The following POLR3C variants were observed in gnomAD, a reference collection of about 807,000 sequenced individuals.
POLR3C encodes the protein RNA polymerase III subunit C.
In POLR3C, 44 loss-of-function variants were observed where a neutral mutation model predicts 65.9. The ratio of observed to expected loss-of-function variants is 0.67; its 90% CI spans 0.52 to 0.86. The LOEUF (loss-of-function observed/expected upper bound fraction) is 0.86. POLR3C is among the 40% of genes least tolerant of loss of function. The probability of loss-of-function intolerance (pLI) is 0.00; values close to 1 mark genes in which losing one functional copy is unlikely to be tolerated. For synonymous variants in POLR3C, 263 were observed against 231.6 expected (o/e 1.14, Z -1.23); for missense variants, 576 against 653.2 (o/e 0.88, Z 1.29).
rs782028623 is a variant in POLR3C at position 145,826,849 on chromosome 1, T to C, written c.433T>C (p.Ser145Pro). 7 of 1,611,620 alleles carry C rather than the reference T, an allele frequency of 4.3e-6. No homozygotes were observed. Among genetic ancestry groups the C allele is most frequent in the Non-Finnish European group, 5.9e-6 (7 of 1,178,850 alleles). Residue 145 changes from serine (S) to proline (P), a missense_variant, in exon 4 of 15, where the codon TCA becomes CCA. Transcript: ENST00000334163. ...DGKTMDYAEV[S>P]NTFVRLADTH... ...CAAGACCATGGACTATGCTGAAGTA[T>C]CAAACACATTTGTGCGACTGGCAGA... is the stretch of plus-strand genomic sequence containing the variant.
intron 7 of POLR3C, among the ~76,000 whole-genome samples, chr1:145,835,931 T>G (rs1416083374): frequency 6.6e-6 from 1 of 152,144 alleles, no homozygotes; most frequent in African/African-American, 2.4e-5. Context: ...TAAAACTTCC[T>G]TTCATGTTAG....
In POLR3C at chr1:145,826,717, T is replaced by C; in HGVS notation, c.403+8T>C. 6.2e-7 allele frequency: 1 copy of C among 1,614,066 alleles called. No homozygotes were observed. Among genetic ancestry groups the C allele is most frequent in the Non-Finnish European group, 8.5e-7 (1 of 1,179,960 alleles). ...TCACAGAGACCATGGAGGGTCAGTA[T>C]GGTATCCATAGCTGTTAACAAAAGC... On this transcript the variant is annotated splice_region_variant and intron_variant, in intron 3 of 14. Transcript: ENST00000334163.
At position 145,827,009 on chromosome 1, in the gene POLR3C, A is replaced by G. The variant is rs782651441; in HGVS notation, c.589+4A>G. On this transcript the variant is annotated splice_donor_region_variant and intron_variant, in intron 4 of 14. Coordinates refer to ENST00000334163, the MANE Select transcript of POLR3C (RefSeq NM_006468.8). Reference sequence around the variant, plus strand: ...GTTCCTAAACTCAGCTTGATAGGTAAGGAATTTTAACCCCTGGAACTGTGA... The same window carrying G: ...GTTCCTAAACTCAGCTTGATAGGTAGGGAATTTTAACCCCTGGAACTGTGA... 2.1e-5 allele frequency: 34 copies of G among 1,602,492 alleles called. No homozygotes were observed. Among genetic ancestry groups the G allele is most frequent in the Non-Finnish European group, 2.6e-5 (31 of 1,174,184 alleles).
Position 145,842,404 on chromosome 1 carries a change from C to T in POLR3C, c.1589C>T (p.Thr530Ile). 1 of 1,606,188 alleles carries T rather than the reference C, an allele frequency of 6.2e-7. No individual in the cohort carries two copies. ...IFLLESYIEC[T>I]MKRQ ...CTGCTGGAGTCTTACATTGAGTGCA[C>T]CATGAAGAGACAGTGATCCAGAAGA... Residue 530 changes from threonine to isoleucine, a missense_variant, in exon 15 of 15, where the codon ACC (threonine) becomes ATC (isoleucine). Transcript: ENST00000334163.
Position 145,824,248 on chromosome 1 carries a change from C to T in POLR3C, c.-142C>T, listed in dbSNP as rs1436381685. The T allele has an allele frequency of 7.5e-6, 2 of 265,088 alleles. No individual in the cohort carries two copies. Among genetic ancestry groups the T allele is most frequent in the East Asian group, 2.5e-4 (2 of 7,892 alleles). The allele number at this position is 265,088 out of a possible 1,614,324, so 16.4% of individuals were successfully genotyped here. On this transcript the variant is annotated 5_prime_UTR_variant, in exon 1 of 15. Transcript: ENST00000334163. The stretch of plus-strand genomic sequence containing the variant: ...TTCCGCGTCTTCTTCGGTGGCGATC[C>T]GCGTCCTAGAAAGGGCGGTGGGCTC...
Position 145,826,531 on chromosome 1 carries a change from T to TG in POLR3C, c.226dup (p.Glu76GlyfsTer12). 1 of 1,613,916 alleles carries TG rather than the reference T, an allele frequency of 6.2e-7. No homozygotes were observed. Among genetic ancestry groups the TG allele is most frequent in the Non-Finnish European group, 8.5e-7 (1 of 1,179,984 alleles). ...TGCACAAACGTGGTGTGGTGGAGTA[T>TG]GAAGCCCAGTGCAGCCGGGTATTGC... On this transcript the variant is annotated frameshift_variant, in exon 3 of 15. Transcript: ENST00000334163. LOFTEE classifies it high-confidence loss of function.
intron 14 of POLR3C, among the ~76,000 whole-genome samples, chr1:145,842,037 A>G (rs1570756331): frequency 6.6e-6 from 1 of 152,118 alleles, no homozygotes; most frequent in Non-Finnish European, 1.5e-5. Context: ...GTTTCTTGCT[A>G]TTTTAAAACA....
chr1:145,841,477 C>T (rs587686444), intron 14 of POLR3C, among the ~76,000 whole-genome samples: 34 of 152,346 alleles, frequency 2.2e-4, no homozygotes, highest in African/African-American at 6.5e-4. Context: ...TTGGTCCACA[C>T]GCAGGCCTTC....
chr1:145,832,295 A>G lies in POLR3C; in HGVS notation c.679-965A>G, dbSNP rs1651399547. Among the ~76,000 whole-genome samples the G allele has an allele frequency of 2.6e-5, 4 of 152,322 alleles. No individual in the cohort carries two copies. The South Asian group carries it at 6.2e-4, about 24-fold the overall frequency. ...GGTAGAGATACAACTGAGATGGCCAACTGTTTGAGAAGCTTGGCTGTGACA... is the reference window on the plus strand; with the variant it reads ...GGTAGAGATACAACTGAGATGGCCAGCTGTTTGAGAAGCTTGGCTGTGACA... On this transcript the variant is annotated intron_variant, in intron 5 of 14. Coordinates refer to ENST00000334163, the MANE Select transcript of POLR3C (RefSeq NM_006468.8).
Position 145,844,276 on chromosome 1 carries a change from A to G in POLR3C, c.*1856A>G, listed in dbSNP as rs1456423730. Reference sequence around the variant, plus strand: ...ATGGAATCAACCTAAGTGCCCATCAATAGATGAAAGGCTAAAGAAAATGTA... The same window carrying G: ...ATGGAATCAACCTAAGTGCCCATCAGTAGATGAAAGGCTAAAGAAAATGTA... On this transcript the variant is annotated 3_prime_UTR_variant, in exon 15 of 15. Transcript: ENST00000334163. 2.6e-5 allele frequency among the ~76,000 whole-genome samples: 4 copies of G among 152,248 alleles called. No individual in the cohort carries two copies. Among genetic ancestry groups the G allele is most frequent in the Non-Finnish European group, 1.5e-5 (1 of 68,042 alleles).
At position 145,837,576 on chromosome 1, in the gene POLR3C, G is replaced by C. The variant is rs782129197; in HGVS notation, c.1050G>C (p.Leu350=). The C allele has an allele frequency of 8.1e-6, 13 of 1,607,950 alleles. No homozygotes were observed. In the South Asian group the frequency reaches 1.4e-4, roughly 18 times the overall value. The change falls in exon 10 of 15, where the codon CTG becomes CTC. Residue 350 remains leucine, a synonymous_variant. Transcript: ENST00000334163. ...TAGCATCCCTAGCCACAGCCACTCT[G>C]GAGTCCGTCGTACAGGAGAGGTAAG... is the stretch of plus-strand genomic sequence containing the variant. ...KALASLATAT[L]ESVVQERFGS...
In POLR3C at chr1:145,834,235, A is replaced by G. The variant is rs587736952; in HGVS notation, c.876+653A>G. Among the ~76,000 whole-genome samples the G allele has an allele frequency of 6.6e-5, 10 of 152,344 alleles. No homozygotes were observed. The South Asian group carries it at 1.9e-3, about 28-fold the overall frequency. ...CAGTAAAAATATGGTATGAAAAATT[A>G]AAAACCACACCTGTTTAGTGCACTT... On this transcript the variant is annotated intron_variant, in intron 7 of 14. Transcript: ENST00000334163.
intron 13 of POLR3C, 146 bp downstream of exon 13, chr1:145,840,311 A>G (rs1887806): frequency 0.35 from 215,468 of 624,048 alleles, 38,940 homozygotes; most frequent in African/African-American, 0.4. Context: ...AGGCTGAGGC[A>G]GGTGGATCAC....
intron 5 of POLR3C, among the ~76,000 whole-genome samples, chr1:145,832,830 T>C (rs1413167067): frequency 3.3e-5 from 5 of 152,134 alleles, no homozygotes; most frequent in African/African-American, 1.2e-4. Flanking sequence ...GAGACCAGCC[T>C]GGCCAACATT....
rs1477978627 is a variant in POLR3C at position 145,844,166 on chromosome 1, T to C, written c.*1746T>C. 1.3e-5 allele frequency among the ~76,000 whole-genome samples: 2 copies of C among 152,184 alleles called. No homozygotes were observed. The highest frequency in any genetic ancestry group is 2.9e-5 in the Non-Finnish European group (2 of 68,026). On this transcript the variant is annotated 3_prime_UTR_variant, in exon 15 of 15. Transcript: ENST00000334163. ...GCAGTTCCACTACTGGGTATATATATATCTCCAAAAGGAAAGAAATCAATG... is the reference window on the plus strand; with the variant it reads ...GCAGTTCCACTACTGGGTATATATACATCTCCAAAAGGAAAGAAATCAATG...
chr1:145,843,065 A>G lies in POLR3C; in HGVS notation c.*645A>G, dbSNP rs921494523. Among the ~76,000 whole-genome samples, 6 of 152,038 alleles carry G rather than the reference A, an allele frequency of 3.9e-5. No homozygotes were observed. The highest frequency in any genetic ancestry group is 1.4e-4 in the African/African-American group (6 of 41,390). ...ATGAACTGTAATTTTTAACACACAC[A>G]GTGTAGGGAATGTGAAAGACTATCA... On this transcript the variant is annotated 3_prime_UTR_variant, in exon 15 of 15. Coordinates refer to ENST00000334163, the MANE Select transcript of POLR3C (RefSeq NM_006468.8).
At position 145,838,207 on chromosome 1, in the gene POLR3C, G is replaced by T. The variant is rs137902713; in HGVS notation, c.1221+1G>T. The T allele has an allele frequency of 5.2e-5, 84 of 1,612,694 alleles. No individual in the cohort carries two copies. The highest frequency in any genetic ancestry group is 6.7e-5 in the Non-Finnish European group (79 of 1,178,908). ...CTCAGAAAATTTCATGTCACTCCAG[G>T]TAACCAACCAAGGGCGTAATAATTG... On this transcript the variant is annotated splice_donor_variant, in intron 11 of 14. Coordinates refer to ENST00000334163, the MANE Select transcript of POLR3C (RefSeq NM_006468.8). LOFTEE classifies it high-confidence loss of function.
chr1:145,838,631 G>A (rs1318372061), intron 11 of POLR3C, among the ~76,000 whole-genome samples: 1 of 152,048 alleles, frequency 6.6e-6, no homozygotes, highest in African/African-American at 2.4e-5. Flanking sequence ...AGGTTGCAGT[G>A]AGCCGAGATC....
rs782084098 is a variant in POLR3C, at chr1:145,842,334, C to T, written c.1524-5C>T. On this transcript the variant is annotated splice_polypyrimidine_tract_variant and splice_region_variant and intron_variant, in intron 14 of 14. Transcript: ENST00000334163. ...TCTAGGCAAATGCCTTTACTTTTCACTCAGGTTGGATGCCAGTGAGATCCA... is the reference window on the plus strand; with the variant it reads ...TCTAGGCAAATGCCTTTACTTTTCATTCAGGTTGGATGCCAGTGAGATCCA... 6.3e-7 allele frequency: 1 copy of T among 1,590,444 alleles called. No homozygotes were observed. Among genetic ancestry groups the T allele is most frequent in the South Asian group, 1.1e-5 (1 of 90,450 alleles).
Sources: gnomAD v4.1 joint callset for allele counts (sites outside exome capture counted in the v4.1 genomes callset) on GRCh38, gnomAD v4.1.1 for gene constraint, MANE v1.5 for transcripts, NCBI Gene and HGNC (gene_info 2026-07-23, HGNC 2026-07-21) for gene names.